Variants in MSRB3 observed in about 807,000 individuals in gnomAD.
MSRB3 encodes the protein methionine-R-sulfoxide reductase B3.
MSRB3 carries 13 observed loss-of-function variants against 21.0 expected under a neutral mutation model. That is an observed-to-expected ratio of 0.62 (90% CI 0.40 to 0.98). MSRB3 has a LOEUF of 0.98. MSRB3 is among the 50% of genes least tolerant of loss of function. The pLI, the probability that MSRB3 is intolerant of heterozygous loss-of-function variation, is 0.00. For missense variants in MSRB3, 199 were observed against 230.3 expected (o/e 0.86, Z 0.88); for synonymous variants, 87 against 88.6 (o/e 0.98, Z 0.10).
chr12:65,422,884 G>T (rs776511262), intron 5 of MSRB3, among the ~76,000 whole-genome samples: 2 of 150,548 alleles, frequency 1.3e-5, no homozygotes, highest in Non-Finnish European at 3.0e-5. Flanking sequence ...ACTGAGTTTC[G>T]TATGTTGATT....
intron 5 of MSRB3, among the ~76,000 whole-genome samples, chr12:65,388,260 C>T (rs12810744): frequency 0.6 from 91,557 of 151,860 alleles, 28,099 homozygotes; most frequent in South Asian, 0.71. Flanking sequence ...GTGTTTGGGC[C>T]AATGAATGAG....
chr12:65,380,616 A>G (rs1258424063), intron 5 of MSRB3, among the ~76,000 whole-genome samples: 5 of 152,166 alleles, frequency 3.3e-5, no homozygotes, highest in Non-Finnish European at 7.4e-5. Flanking sequence ...GGCCAATAAT[A>G]ATAACGACAA....
intron 5 of MSRB3, among the ~76,000 whole-genome samples, chr12:65,375,609 A>C (rs1273018991): frequency 6.6e-6 from 1 of 151,840 alleles, no homozygotes; most frequent in Non-Finnish European, 1.5e-5. Flanking sequence ...GCCAATTTAA[A>C]AAACATTTTT....
chr12:65,314,133 T>C (rs1874152850), intron 2 of MSRB3, among the ~76,000 whole-genome samples: 1 of 152,190 alleles, frequency 6.6e-6, no homozygotes, highest in African/African-American at 2.4e-5. Flanking sequence ...GGCCATCTCA[T>C]TGAAATTGTC....
chr12:65,419,528 TA>T, intron 5 of MSRB3: 1 of 741,946 alleles, frequency 1.3e-6, no homozygotes. Flanking sequence ...TACTTGACTC[TA>T]AAGGCATCAG....
At chr12:65,326,971 G>C (rs1420012832) in intron 3 of MSRB3, 37 bp downstream of exon 3, 3 of 1,485,882 alleles carry the variant, frequency 2.0e-6, no homozygotes, top group Admixed American at 3.5e-5. Flanking sequence ...TTAAGAGCTA[G>C]ATTTCTTCTC....
chr12:65,459,609 T>G (rs1185837011), intron 6 of MSRB3, among the ~76,000 whole-genome samples: 1 of 152,150 alleles, frequency 6.6e-6, no homozygotes, highest in Non-Finnish European at 1.5e-5. Flanking sequence ...TTCTTAAAAC[T>G]TTTCCCATCC....
intron 5 of MSRB3, chr12:65,419,550 G>T (rs1881166419): frequency 1.4e-6 from 1 of 740,694 alleles, no homozygotes; most frequent in South Asian, 1.4e-5. Flanking sequence ...CAGCAAGATG[G>T]GCATTGTCGA....
chr12:65,452,213 G>A (rs1025837694), intron 5 of MSRB3, among the ~76,000 whole-genome samples: 9 of 152,126 alleles, frequency 5.9e-5, no homozygotes, highest in Non-Finnish European at 1.2e-4. Context: ...CACAATATCA[G>A]TTGCCTTAAA....
chr12:65,386,641 A>T (rs1202118323), intron 5 of MSRB3, among the ~76,000 whole-genome samples: 1 of 151,962 alleles, frequency 6.6e-6, no homozygotes, highest in Non-Finnish European at 1.5e-5. Flanking sequence ...GCGTGTTAAG[A>T]TATGCATCTT....
intron 5 of MSRB3, among the ~76,000 whole-genome samples, chr12:65,447,190 G>A (rs976860341): frequency 6.6e-6 from 1 of 152,110 alleles, no homozygotes; most frequent in Admixed American, 6.6e-5. Context: ...GGCTTGCTAA[G>A]GATACAAACC....
chr12:65,447,292 G>T (rs1031306824), intron 5 of MSRB3, among the ~76,000 whole-genome samples: 3 of 152,112 alleles, frequency 2.0e-5, no homozygotes, highest in Admixed American at 2.0e-4. Flanking sequence ...GTTGATCAAA[G>T]ATCCCCAAAG....
At chr12:65,373,066 G>A (rs1329338945) in intron 5 of MSRB3, among the ~76,000 whole-genome samples, 2 of 152,170 alleles carry the variant, frequency 1.3e-5, no homozygotes, top group Non-Finnish European at 2.9e-5. Context: ...AAGAGTAATG[G>A]ACTAGTAATG....
chr12:65,324,875 G>C (rs953290129), intron 2 of MSRB3, among the ~76,000 whole-genome samples: 4 of 152,148 alleles, frequency 2.6e-5, no homozygotes, highest in African/African-American at 9.7e-5. Context: ...TCAACTTTGG[G>C]AACACAATTG....
At chr12:65,350,230 C>G (rs1364313494) in intron 4 of MSRB3, among the ~76,000 whole-genome samples, 1 of 151,232 alleles carries the variant, frequency 6.6e-6, no homozygotes, top group Non-Finnish European at 1.5e-5. Context: ...AGATATGCGG[C>G]GTTATTTCTG....
chr12:65,392,104 C>G (rs559314947), intron 5 of MSRB3, among the ~76,000 whole-genome samples: 13 of 152,254 alleles, frequency 8.5e-5, no homozygotes, highest in Admixed American at 8.5e-4. Context: ...GAATCTTAGC[C>G]ACACATAAAA....
chr12:65,401,552 A>G (rs1880126404), intron 5 of MSRB3, among the ~76,000 whole-genome samples: 1 of 151,958 alleles, frequency 6.6e-6, no homozygotes, highest in African/African-American at 2.4e-5. Context: ...ATGGGTCTTA[A>G]CTCTTTATCC....
chr12:65,324,955 A>G (rs1425157404), intron 2 of MSRB3, among the ~76,000 whole-genome samples: 1 of 152,236 alleles, frequency 6.6e-6, no homozygotes, highest in African/African-American at 2.4e-5. Context: ...TTAATTGTAC[A>G]TATTTTAATT....
intron 1 of MSRB3, among the ~76,000 whole-genome samples, chr12:65,282,676 G>GTTTTTTTTTTTTTTTTTT (rs796149617): frequency 7.5e-6 from 1 of 133,768 alleles, no homozygotes. Flanking sequence ...CTTTGCTGGT[G>GTTTTTTTTTTTTTTTTTT]TTTTTTTTTT....
Sources: allele counts gnomAD v4.1 joint callset (sites outside exome capture counted in the v4.1 genomes callset), GRCh38; gene constraint gnomAD v4.1.1; transcripts MANE v1.5; gene names NCBI Gene and HGNC (gene_info 2026-07-23, HGNC 2026-07-21).